CDCA3: variants seen among roughly 807,000 people sequenced by gnomAD.
CDCA3 encodes the protein cell division cycle associated 3.
Under a neutral mutation model 29.1 loss-of-function variants are expected in CDCA3, and 16 were observed. That is an observed-to-expected ratio of 0.55 (90% CI 0.37 to 0.83). The LOEUF (loss-of-function observed/expected upper bound fraction) is 0.83, where lower values mean the gene tolerates loss of function less well. CDCA3 is among the 40% of genes least tolerant of loss of function. The pLI, the probability that CDCA3 is intolerant of heterozygous loss-of-function variation, is 0.00. For synonymous variants in CDCA3, 88 were observed against 124.5 expected (o/e 0.71, Z 1.95); for missense variants, 291 against 327.2 (o/e 0.89, Z 0.85).
At chr12:6,847,160 G>A, downstream of CDCA3, 1 of 440,772 alleles carries the variant, frequency 2.3e-6, no homozygotes, top group East Asian at 3.8e-5. Context: ...AGGACAACCT[G>A]CCCCTCCCCA....
Position 6,849,334 on chromosome 12 carries a change from T to G in CDCA3, c.640A>C (p.Thr214Pro). Residue 214 changes from threonine to proline, a missense_variant, in exon 5 of 6, where the codon ACA (threonine) becomes CCA (proline). Transcript: ENST00000538862. This position sits in a 1 kb window ranked among gnomAD's most constrained non-coding sequence, Gnocchi z 5.2. ...LQDDNSPGTL[T>P]LRQGKRPSPL... The stretch of plus-strand genomic sequence containing the variant: ...TTCTCTTCCTTTACCTGTCGTAGTG[T>G]CAGGGTGCCAGGGGAGTTGTCATCC... 1 of 1,600,956 alleles carries G rather than the reference T, an allele frequency of 6.2e-7. No individual in the cohort carries two copies. Among genetic ancestry groups the G allele is most frequent in the Non-Finnish European group, 8.5e-7 (1 of 1,173,368 alleles).
chr12:6,850,702 CCA>C lies in CDCA3; in HGVS notation c.121-108_121-107del, dbSNP rs1385372301. 2.5e-6 allele frequency: 4 copies of C among 1,584,192 alleles called. No homozygotes were observed. Among genetic ancestry groups the C allele is most frequent in the Non-Finnish European group, 3.4e-6 (4 of 1,159,460 alleles). ...AAGGCCCTCAGATATCCAGCCTACC[CCA>C]CACAGATTGAGATTGCAGAAAATAA... On this transcript the variant is annotated intron_variant, in intron 2 of 5. Transcript: ENST00000538862. This position sits in a 1 kb window ranked among gnomAD's most constrained non-coding sequence, Gnocchi z 4.7.
chr12:6,846,697 A>ACC (rs201479371), downstream of CDCA3: 13,254 of 529,818 alleles, frequency 0.025, 677 homozygotes, highest in African/African-American at 0.17. Flanking sequence ...ATACACACAC[A>ACC]CACCCACACA....
In CDCA3 at chr12:6,849,359, C is replaced by T. The variant is rs1943778538; in HGVS notation, c.615G>A (p.Gln205=). The T allele has an allele frequency of 1.9e-6, 3 of 1,604,984 alleles. No homozygotes were observed. In the East Asian group the frequency reaches 6.7e-5, roughly 36 times the overall value. The change falls in exon 5 of 6, where the codon CAG becomes CAA. Residue 205 remains glutamine, a synonymous_variant. Transcript: ENST00000538862. The surrounding 1 kb of genome is among the most constrained non-coding windows in gnomAD (Gnocchi z 5.2). The part of the protein sequence containing the change: ...VLGRSPLTIL[Q]DDNSPGTLTL... ...TCAGGGTGCCAGGGGAGTTGTCATCCTGCAGGATGGTGAGGGGGGATCTCC... is the reference window on the plus strand; with the variant it reads ...TCAGGGTGCCAGGGGAGTTGTCATCTTGCAGGATGGTGAGGGGGGATCTCC...
chr12:6,845,739 C>CTA (rs781986240), downstream of CDCA3: 15 of 1,614,070 alleles, frequency 9.3e-6, no homozygotes, highest in Non-Finnish European at 1.3e-5. Context: ...TGGCCGCCTA[C>CTA]TATTCGCTGG....
downstream of CDCA3, chr12:6,845,815 C>A: frequency 6.3e-7 from 1 of 1,588,182 alleles, no homozygotes; most frequent in African/African-American, 1.3e-5. Flanking sequence ...AAGGGCCAGC[C>A]CTGGCTGCTG....
rs782205021 is a variant in CDCA3, at chr12:6,849,729, C to T, written c.380G>A (p.Gly127Asp). Residue 127 changes from glycine to aspartate, a missense_variant, in exon 4 of 6, where the codon GGT (glycine) becomes GAT (aspartate). Physicochemically the swap from Gly to Asp is moderately conservative, Grantham distance 94 (BLOSUM62 -1). Transcript: ENST00000538862. This position sits in a 1 kb window ranked among gnomAD's most constrained non-coding sequence, Gnocchi z 5.2. Reference protein sequence around the residue: ...PLSSELDLPLGTQLSVEEQMP... With the variant: ...PLSSELDLPLDTQLSVEEQMP... ...CTGTTCCTCAACAGATAACTGGGTA[C>T]CCAGAGGCAAGTCCAATTCAGAAGA... is the stretch of plus-strand genomic sequence containing the variant. 3 of 1,613,964 alleles carry T rather than the reference C, an allele frequency of 1.9e-6. No homozygotes were observed. The African/African-American group carries it at 4.0e-5, about 22-fold the overall frequency.
At chr12:6,846,961 A>G, downstream of CDCA3, 1 of 906,940 alleles carries the variant, frequency 1.1e-6, no homozygotes, top group East Asian at 2.6e-5. Context: ...GCCCGACCCC[A>G]TCTCATTCAG....
Position 6,850,154 on chromosome 12 carries a change from C to T in CDCA3, c.251-296G>A, listed in dbSNP as rs1943805907. 12 of 497,192 alleles carry T rather than the reference C, an allele frequency of 2.4e-5. No individual in the cohort carries two copies. The highest frequency in any genetic ancestry group is 8.3e-5 in the South Asian group (3 of 36,046). 30.8% of individuals were successfully genotyped at this position (497,192 alleles called of 1,614,324 possible). A position where few individuals can be genotyped will look rare whatever the true frequency, so the allele number is the denominator to read the frequency against. On this transcript the variant is annotated intron_variant, in intron 3 of 5. Transcript: ENST00000538862. The surrounding 1 kb of genome is among the most constrained non-coding windows in gnomAD (Gnocchi z 4.7). ...AGCTGGGATCACAGGCCCATGCCAC[C>T]GTGCTTTTGTGTGTGTGTGTGTGTG...
At position 6,849,322 on chromosome 12, in the gene CDCA3, C is replaced by T; in HGVS notation, c.651+1G>A. The T allele has an allele frequency of 1.3e-6, 2 of 1,597,918 alleles. No homozygotes were observed. The highest frequency in any genetic ancestry group is 2.3e-5 in the South Asian group (2 of 88,392). On this transcript the variant is annotated splice_donor_variant, in intron 5 of 5. Transcript: ENST00000538862. LOFTEE classifies it high-confidence loss of function. This position sits in a 1 kb window ranked among gnomAD's most constrained non-coding sequence, Gnocchi z 5.2. ...ACAGCTTGCACTTTCTCTTCCTTTA[C>T]CTGTCGTAGTGTCAGGGTGCCAGGG...
downstream of CDCA3, chr12:6,846,161 G>C (rs1277020113): frequency 1.4e-5 from 4 of 277,078 alleles, no homozygotes; most frequent in Non-Finnish European, 2.8e-5. Context: ...AAGGAGATCT[G>C]GAGTGGCCCG....
At chr12:6,845,398 C>T (rs1258439550), downstream of CDCA3, 1 of 600,776 alleles carries the variant, frequency 1.7e-6, no homozygotes. Context: ...GGGCGAGGGG[C>T]ATAGGGAAGT....
chr12:6,848,319 T>G (rs1943746080), downstream of CDCA3: 1 of 152,328 alleles, frequency 6.6e-6, no homozygotes, highest in Non-Finnish European at 1.5e-5. Flanking sequence ...GCCACTGCAC[T>G]CCAGCCTGGG....
downstream of CDCA3, chr12:6,845,806 A>G (rs1162659424): frequency 1.2e-6 from 2 of 1,606,414 alleles, no homozygotes; most frequent in East Asian, 2.2e-5. Context: ...CGTGTGGGTA[A>G]GGGCCAGCCC....
chr12:6,846,876 G>A, downstream of CDCA3: 2 of 1,591,970 alleles, frequency 1.3e-6, no homozygotes, highest in Non-Finnish European at 1.7e-6. Flanking sequence ...TCCTGGGACA[G>A]CTTCCTCAAA....
At chr12:6,846,677 A>C (rs1051135842), downstream of CDCA3, 2 of 631,096 alleles carry the variant, frequency 3.2e-6, no homozygotes, top group Non-Finnish European at 5.7e-6. Context: ...ATATCCCCCC[A>C]CACACCCACA....
downstream of CDCA3, chr12:6,846,845 G>C (rs1555124859): frequency 6.2e-7 from 1 of 1,602,582 alleles, no homozygotes; most frequent in Non-Finnish European, 8.5e-7. Context: ...CACAGCTGAC[G>C]GGATGGCTGT....
At position 6,849,093 on chromosome 12, in the gene CDCA3, C is replaced by T. The variant is rs61733172; in HGVS notation, c.757G>A (p.Gly253Ser). Residue 253 changes from glycine to serine, a missense_variant, in exon 6 of 6, where the codon GGC becomes AGC. Physicochemically the swap from Gly to Ser is moderately conservative, Grantham distance 56. Transcript: ENST00000538862. This position sits in a 1 kb window ranked among gnomAD's most constrained non-coding sequence, Gnocchi z 5.2. The stretch of plus-strand genomic sequence containing the variant: ...TGATTTTCCTTGTCATGGTCCTGGC[C>T]TTGCTCCCATGCTCGTCCTCCAGTT... ...LKTGGRAWEQ[G>S]QDHDKENQHF... The T allele has an allele frequency of 4.5e-4, 641 of 1,425,502 alleles. 4 individuals carry two copies. In the African/African-American group the frequency reaches 8.2e-3, roughly 18 times the overall value. 88.3% of individuals were successfully genotyped at this position (1,425,502 alleles called of 1,614,324 possible). A position where few individuals can be genotyped will look rare whatever the true frequency, so the allele number is the denominator to read the frequency against.
chr12:6,846,057 A>G, downstream of CDCA3: 1 of 494,472 alleles, frequency 2.0e-6, no homozygotes. Context: ...TCTGTGGACC[A>G]TGACTGTCCA....
Sources: allele counts gnomAD v4.1 joint callset, GRCh38; gene constraint gnomAD v4.1.1; non-coding constraint Gnocchi (gnomAD v3.1); transcripts MANE v1.5; gene names NCBI Gene and HGNC (gene_info 2026-07-23, HGNC 2026-07-21).